Variants in FRMD7 observed in about 807,000 individuals in gnomAD.
FRMD7 encodes FERM domain-containing protein 7.
FRMD7 carries 14 observed loss-of-function variants against 44.1 expected under a neutral mutation model. The observed-to-expected ratio is 0.32, with a 90% CI of 0.21 to 0.50. The LOEUF (loss-of-function observed/expected upper bound fraction) is 0.50. Among genes scored for constraint, FRMD7 ranks in the 20% least tolerant of loss-of-function variants. The pLI is 0.99. For synonymous variants in FRMD7, 212 were observed against 187.4 expected (o/e 1.13, Z -1.07); for missense variants, 501 against 522.3 (o/e 0.96, Z 0.40).
chrX:132,086,211 G>A (rs1602800015), intron 5 of FRMD7, among the ~76,000 whole-genome samples, 177 bp from the exon 6 acceptor site: 2 of 110,698 alleles, frequency 1.8e-5, no homozygotes, highest in Admixed American at 1.9e-4. Context: ...TGTGTTTGGG[G>A]GGGGCAATTG....
At chrX:132,118,198 T>C (rs1928949614) in intron 1 of FRMD7, among the ~76,000 whole-genome samples, 2 of 111,150 alleles carry the variant, frequency 1.8e-5, no homozygotes, top group African/African-American at 6.5e-5. Flanking sequence ...TTTTAATTCC[T>C]GACTCAAGTA....
chrX:132,083,120 T>C (rs1242247003), intron 8 of FRMD7, among the ~76,000 whole-genome samples: 1 of 111,083 alleles, frequency 9.0e-6, no homozygotes, highest in Non-Finnish European at 1.9e-5. Flanking sequence ...CCGCTTAATT[T>C]CTTTGTAGTT....
At position 132,094,102 on chromosome X, in the gene FRMD7, G is replaced by C. The variant is rs1178586858; in HGVS notation, c.322C>G (p.Leu108Val). 1 of 1,174,679 alleles carries C rather than the reference G, an allele frequency of 8.5e-7. No homozygotes were observed. Among genetic ancestry groups the C allele is most frequent in the Non-Finnish European group, 1.2e-6 (1 of 862,888 alleles). The change falls in exon 5 of 12, where the codon CTA becomes GTA. Residue 108 changes from leucine (L) to valine (V), a missense_variant. Coordinates refer to ENST00000298542, the MANE Select transcript of FRMD7 (RefSeq NM_194277.3). Reference sequence around the variant, plus strand: ...TTGTCACTGCATGGAAGCCTTCCTAGAGCCAAATCCTTCTTTATTTGAAGA... The same window carrying C: ...TTGTCACTGCATGGAAGCCTTCCTACAGCCAAATCCTTCTTTATTTGAAGA... Reference protein sequence around the residue: ...FTLQIKKDLALGRLPCSDNCT... With the variant: ...FTLQIKKDLAVGRLPCSDNCT...
At position 132,088,681 on chromosome X, in the gene FRMD7, G is replaced by A. The variant is rs189596702; in HGVS notation, c.383-2647C>T. Among the ~76,000 whole-genome samples, 690 of 111,436 alleles carry A rather than the reference G, an allele frequency of 6.2e-3. 6 individuals are homozygous for A. The highest frequency in any genetic ancestry group is 0.021 in the African/African-American group (649 of 30,759). On this transcript the variant is annotated intron_variant, in intron 5 of 11. Coordinates refer to ENST00000298542, the MANE Select transcript of FRMD7 (RefSeq NM_194277.3). ...GAAGATCAATATATAAAAAGCAATT[G>A]TATTTATATATACTAGCAATGAATA...
chrX:132,107,354 G>A (rs1257980583), intron 1 of FRMD7, among the ~76,000 whole-genome samples: 2 of 111,881 alleles, frequency 1.8e-5, no homozygotes, highest in African/African-American at 6.5e-5. Flanking sequence ...CAAAGTCACA[G>A]ATGATAATCA....
At chrX:132,110,979 G>T (rs989468337) in intron 1 of FRMD7, among the ~76,000 whole-genome samples, 1 of 111,657 alleles carries the variant, frequency 9.0e-6, no homozygotes, top group Non-Finnish European at 1.9e-5. Context: ...GAGGCCAGGA[G>T]TTCAAGAGCA....
intron 7 of FRMD7, 104 bp downstream of exon 7, chrX:132,085,477 A>ATAATACTG: frequency 2.9e-6 from 2 of 688,118 alleles, no homozygotes; most frequent in Admixed American, 5.3e-5. Flanking sequence ...CTGGCTGGTG[A>ATAATACTG]TAATACTGAG....
At chrX:132,127,492 A>T (rs1229532903) in intron 1 of FRMD7, among the ~76,000 whole-genome samples, 2 of 112,241 alleles carry the variant, frequency 1.8e-5, no homozygotes, top group Non-Finnish European at 3.8e-5. Flanking sequence ...ACAATACCTT[A>T]TTGGGTAAAA....
intron 5 of FRMD7, 26 bp from the exon 6 acceptor site, chrX:132,086,060 T>C: frequency 1.0e-6 from 1 of 957,497 alleles, no homozygotes; most frequent in Non-Finnish European, 1.5e-6. Context: ...AAGACATTTT[T>C]CACATTACCT....
At chrX:132,084,910 A>G (rs1210825258) in intron 7 of FRMD7, among the ~76,000 whole-genome samples, 1 of 111,754 alleles carries the variant, frequency 8.9e-6, no homozygotes, top group African/African-American at 3.3e-5. Flanking sequence ...ATCTGCTAAA[A>G]ACAATGTCCT....
At chrX:132,086,440 G>T (rs144076265) in intron 5 of FRMD7, among the ~76,000 whole-genome samples, 29 of 111,698 alleles carry the variant, frequency 2.6e-4, no homozygotes, top group African/African-American at 8.5e-4. Context: ...AATTCCAGTA[G>T]CAGAGAATGT....
At chrX:132,092,036 C>G (rs932143623) in intron 5 of FRMD7, among the ~76,000 whole-genome samples, 1 of 111,895 alleles carries the variant, frequency 8.9e-6, no homozygotes, top group South Asian at 3.8e-4. Flanking sequence ...GATTTTCCCC[C>G]GCTGCCAAAA....
At chrX:132,080,889 A>G (rs1927785729) in intron 9 of FRMD7, among the ~76,000 whole-genome samples, 1 of 111,898 alleles carries the variant, frequency 8.9e-6, no homozygotes, top group Admixed American at 9.5e-5. Context: ...CTGATTTTCC[A>G]TACTACTTTC....
intron 1 of FRMD7, among the ~76,000 whole-genome samples, chrX:132,122,456 C>G (rs1929058382): frequency 8.9e-6 from 1 of 112,378 alleles, no homozygotes; most frequent in Non-Finnish European, 1.9e-5. Context: ...CTATTCTGTT[C>G]TCTATCTTGG....
chrX:132,093,731 A>G (rs1305455095), intron 5 of FRMD7, among the ~76,000 whole-genome samples: 2 of 112,595 alleles, frequency 1.8e-5, no homozygotes, highest in Admixed American at 9.4e-5. Flanking sequence ...CTGTCTGGCA[A>G]AGCCCATGCC....
chrX:132,112,279 T>G (rs1291939383), intron 1 of FRMD7, among the ~76,000 whole-genome samples: 1 of 111,836 alleles, frequency 8.9e-6, no homozygotes, highest in Non-Finnish European at 1.9e-5. Flanking sequence ...GGTGAGAGGC[T>G]AATTACCAGG....
chrX:132,102,023 G>A (rs1020273353), intron 1 of FRMD7, among the ~76,000 whole-genome samples: 2 of 111,195 alleles, frequency 1.8e-5, no homozygotes, highest in Admixed American at 9.6e-5. Flanking sequence ...AGCCAGGCGC[G>A]GGGAAATGTA....
intron 5 of FRMD7, among the ~76,000 whole-genome samples, chrX:132,089,743 C>T (rs1439270912): frequency 1.8e-5 from 2 of 111,876 alleles, no homozygotes; most frequent in African/African-American, 3.2e-5. Flanking sequence ...TGCTCAACAT[C>T]GTTAGTCATT....
At chrX:132,087,150 T>G (rs1190706531) in intron 5 of FRMD7, among the ~76,000 whole-genome samples, 2 of 112,117 alleles carry the variant, frequency 1.8e-5, no homozygotes, top group Non-Finnish European at 3.8e-5. Context: ...GTATGCCTTT[T>G]TCCTCTCTGT....
Sources: gnomAD v4.1 joint callset for allele counts (sites outside exome capture counted in the v4.1 genomes callset) on GRCh38, gnomAD v4.1.1 for gene constraint, MANE v1.5 for transcripts, NCBI Gene and HGNC (gene_info 2026-07-23, HGNC 2026-07-21) for gene names.